Variants in GPC3 observed in about 807,000 individuals in gnomAD.
GPC3 encodes glypican 3.
In GPC3, 3 loss-of-function variants were observed where a neutral mutation model predicts 34.4. The observed-to-expected ratio is 0.09, with a 90% CI of 0.04 to 0.23. The LOEUF (loss-of-function observed/expected upper bound fraction) is 0.23. Ranked by LOEUF, GPC3 falls within the 10% of genes least tolerant of loss-of-function variation. The pLI, the probability that GPC3 is intolerant of heterozygous loss-of-function variation, is 1.00. For synonymous variants in GPC3, 177 were observed against 174.0 expected, an observed-to-expected ratio of 1.02 and a Z score of -0.13; for missense variants, 351 against 445.6, an observed-to-expected ratio of 0.79 and a Z score of 1.91.
intron 4 of GPC3, among the ~76,000 whole-genome samples, chrX:133,697,475 T>G (rs1025320904): frequency 9.0e-6 from 1 of 111,510 alleles, no homozygotes; most frequent in African/African-American, 3.3e-5. Context: ...TCCTTCAGGC[T>G]GAGCTCAAAA....
At position 133,873,357 on chromosome X, in the gene GPC3, A is replaced by G. The variant is rs747602245; in HGVS notation, c.337+79693T>C. 6.2e-5 allele frequency among the ~76,000 whole-genome samples: 7 copies of G among 112,543 alleles called. No homozygotes were observed. The East Asian group carries it at 8.3e-4, about 13-fold the overall frequency. ...TGCAGGTTTCCAGGCAGGCCAGCCA[A>G]TGAAAAATGCAGAGTACTATGCCAG... On this transcript the variant is annotated intron_variant, in intron 2 of 7. Coordinates refer to ENST00000370818, the MANE Select transcript of GPC3 (RefSeq NM_004484.4).
chrX:133,905,292 T>G (rs1360152927), intron 2 of GPC3, among the ~76,000 whole-genome samples: 2 of 112,329 alleles, frequency 1.8e-5, no homozygotes, highest in Non-Finnish European at 3.8e-5. Flanking sequence ...CCAAAAGAAT[T>G]CTTTCTGAAT....
At chrX:133,553,329 G>A (rs1025396409) in intron 7 of GPC3, among the ~76,000 whole-genome samples, 4 of 111,674 alleles carry the variant, frequency 3.6e-5, no homozygotes, top group Non-Finnish European at 7.5e-5. Flanking sequence ...CTCACTTTCT[G>A]TAGGGCCAAT....
intron 1 of GPC3, among the ~76,000 whole-genome samples, chrX:133,959,917 CTCA>C (rs1196466233): frequency 8.9e-6 from 1 of 111,912 alleles, no homozygotes; most frequent in Non-Finnish European, 1.9e-5. Context: ...TTTGTCAAAA[CTCA>C]TCAAACTCTT....
At chrX:133,976,148 A>G (rs901101572) in intron 1 of GPC3, among the ~76,000 whole-genome samples, 4 of 112,307 alleles carry the variant, frequency 3.6e-5, no homozygotes, top group African/African-American at 9.7e-5. Flanking sequence ...GGTTTACTCA[A>G]TCTCTGAAAG....
rs753432691 is a variant in GPC3, at chrX:133,596,615, C to G, written c.1414-16G>C. 1 of 1,203,905 alleles carries G rather than the reference C, an allele frequency of 8.3e-7. No homozygotes were observed. Among genetic ancestry groups the G allele is most frequent in the African/African-American group, 1.7e-5 (1 of 57,626 alleles). On this transcript the variant is annotated splice_polypyrimidine_tract_variant and intron_variant, in intron 6 of 7. Coordinates refer to ENST00000370818, the MANE Select transcript of GPC3 (RefSeq NM_004484.4). ...TTCTCAGGAGCTGAAAGAAAACAAC[C>G]AGGAATGCATCAGCTCTTCATATTT...
chrX:133,754,563 G>A (rs1453982261), intron 2 of GPC3, among the ~76,000 whole-genome samples: 1 of 112,287 alleles, frequency 8.9e-6, no homozygotes, highest in Non-Finnish European at 1.9e-5. Context: ...TTGTATTTCA[G>A]GACATTTCAT....
chrX:133,658,735 G>A (rs1322335017), intron 6 of GPC3, among the ~76,000 whole-genome samples: 1 of 111,966 alleles, frequency 8.9e-6, no homozygotes, highest in African/African-American at 3.2e-5. Flanking sequence ...GCTGCTCAAT[G>A]GTATTTGTAT....
At chrX:133,957,647 G>A (rs755493597) in intron 1 of GPC3, among the ~76,000 whole-genome samples, 74 of 111,842 alleles carry the variant, frequency 6.6e-4, no homozygotes, top group South Asian at 1.5e-3. Flanking sequence ...GAACTGGTAC[G>A]TACTTGCATG....
At chrX:133,868,370 C>A (rs1230916830) in intron 2 of GPC3, among the ~76,000 whole-genome samples, 1 of 111,993 alleles carries the variant, frequency 8.9e-6, no homozygotes, top group Non-Finnish European at 1.9e-5. Flanking sequence ...ATTTCATCAG[C>A]AGAGCTCAAA....
intron 2 of GPC3, among the ~76,000 whole-genome samples, chrX:133,867,054 T>A (rs1284088086): frequency 1.8e-5 from 2 of 110,099 alleles, no homozygotes; most frequent in East Asian, 5.8e-4. Context: ...AAAAATTAGC[T>A]GGGCATGGTG....
chrX:133,831,140 G>T (rs1359159771), intron 2 of GPC3, among the ~76,000 whole-genome samples: 1 of 111,598 alleles, frequency 9.0e-6, no homozygotes, highest in Admixed American at 9.5e-5. Flanking sequence ...GTAACATGAG[G>T]GAGTTTATTT....
At chrX:133,913,017 GC>G (rs2076207834) in intron 2 of GPC3, among the ~76,000 whole-genome samples, 1 of 100,902 alleles carries the variant, frequency 9.9e-6, no homozygotes, top group African/African-American at 3.7e-5. Flanking sequence ...TCGTGCCACT[GC>G]ACTCCAGCCT....
chrX:133,848,247 G>A (rs956603044), intron 2 of GPC3, among the ~76,000 whole-genome samples: 3 of 111,812 alleles, frequency 2.7e-5, no homozygotes, highest in Non-Finnish European at 5.6e-5. Context: ...TTGTTTTGGG[G>A]GGTAAAGAAA....
intron 1 of GPC3, among the ~76,000 whole-genome samples, 195 bp from the exon 2 acceptor site, chrX:133,953,406 A>G (rs2076402249): frequency 9.0e-6 from 1 of 110,876 alleles, no homozygotes; most frequent in East Asian, 2.8e-4. Context: ...CTTTCTCCCA[A>G]TTGTCCTTAT....
At chrX:133,608,085 C>T (rs1218731460) in intron 6 of GPC3, among the ~76,000 whole-genome samples, 1 of 112,522 alleles carries the variant, frequency 8.9e-6, no homozygotes, top group Non-Finnish European at 1.9e-5. Context: ...ACAGTCCAGT[C>T]ACAGTTATAA....
intron 7 of GPC3, among the ~76,000 whole-genome samples, chrX:133,595,884 C>T (rs1297487688): frequency 8.9e-6 from 1 of 111,886 alleles, no homozygotes; most frequent in Non-Finnish European, 1.9e-5. Context: ...TGTGAGAAAA[C>T]AAAATAGACA....
intron 5 of GPC3, among the ~76,000 whole-genome samples, chrX:133,685,553 A>AGT (rs201126417): frequency 0.014 from 1,560 of 108,746 alleles, 24 homozygotes; most frequent in African/African-American, 0.044. Context: ...GAGAATTCAA[A>AGT]GTGTGTGTGT....
At chrX:133,640,926 C>A (rs1386190061) in intron 6 of GPC3, among the ~76,000 whole-genome samples, 4 of 110,639 alleles carry the variant, frequency 3.6e-5, no homozygotes, top group Non-Finnish European at 7.6e-5. Flanking sequence ...GGGTGGGGAC[C>A]TTTTTTTCTA....
Sources: gnomAD v4.1 joint callset for allele counts (sites outside exome capture counted in the v4.1 genomes callset) on GRCh38, gnomAD v4.1.1 for gene constraint, MANE v1.5 for transcripts, NCBI Gene and HGNC (gene_info 2026-07-23, HGNC 2026-07-21) for gene names.